The following LYRM4 variants were observed in gnomAD, a reference collection of about 807,000 sequenced individuals.
The protein encoded by LYRM4 is LYR motif-containing protein 4.
In LYRM4, 9 loss-of-function variants were observed where a neutral mutation model predicts 11.7. That is an observed-to-expected ratio of 0.77 (90% CI 0.46 to 1.34). The LOEUF (loss-of-function observed/expected upper bound fraction) is 1.34, where lower values mean the gene tolerates loss of function less well. Among genes scored for constraint, LYRM4 ranks in the 40% most tolerant of loss-of-function variants. The pLI is 0.00. For missense variants in LYRM4, 133 were observed against 112.5 expected (o/e 1.18, Z -0.82); for synonymous variants, 42 against 40.4 (o/e 1.04, Z -0.15).
rs1316977544 is a variant in LYRM4, at chr6:5,213,715, T to C, written c.207+2903A>G. Among the ~76,000 whole-genome samples, 31 of 152,138 alleles carry C rather than the reference T, an allele frequency of 2.0e-4. 1 individual carries two copies. Among genetic ancestry groups the C allele is most frequent in the Admixed American group, 2.0e-3 (31 of 15,278 alleles). On this transcript the variant is annotated intron_variant, in intron 2 of 2. Transcript: ENST00000330636. ...GGCCAAAAAGACACCCTGATTTTGG[T>C]GGTATAGACCCTGCCACTGAGATGT...
chr6:5,122,181 G>A (rs1048689142), intron 2 of LYRM4, among the ~76,000 whole-genome samples: 1 of 152,118 alleles, frequency 6.6e-6, no homozygotes, highest in Non-Finnish European at 1.5e-5. Context: ...AAAGATGGAC[G>A]GCCTCCCTGG....
intron 1 of LYRM4, among the ~76,000 whole-genome samples, chr6:5,257,898 G>A (rs1764757572): frequency 6.6e-6 from 1 of 152,222 alleles, no homozygotes; most frequent in Non-Finnish European, 1.5e-5. Context: ...AAGCACTGAG[G>A]TAAAAGAATG....
chr6:5,057,663 C>T, the LYRM4 span, among the ~76,000 whole-genome samples: 6 of 150,890 alleles, frequency 4.0e-5, no homozygotes, highest in Non-Finnish European at 7.4e-5. Flanking sequence ...TGTAGTGACC[C>T]GAGATCGCAC....
the LYRM4 span, chr6:5,043,180 C>A: frequency 6.6e-6 from 1 of 152,190 alleles, no homozygotes; most frequent in African/African-American, 2.4e-5. Flanking sequence ...TACCCTCCAA[C>A]AAGATAACTG....
chr6:5,043,723 C>T, the LYRM4 span, among the ~76,000 whole-genome samples: 1 of 152,154 alleles, frequency 6.6e-6, no homozygotes, highest in Non-Finnish European at 1.5e-5. Context: ...CAGGGGCGCA[C>T]TTTTCAAATA....
chr6:5,034,923 G>A, the LYRM4 span, among the ~76,000 whole-genome samples: 1 of 151,596 alleles, frequency 6.6e-6, no homozygotes, highest in Non-Finnish European at 1.5e-5. Context: ...GGGCAGGCGA[G>A]GCGAGTTTTG....
intron 2 of LYRM4, among the ~76,000 whole-genome samples, chr6:5,180,544 G>A (rs1417232903): frequency 6.6e-6 from 1 of 152,100 alleles, no homozygotes; most frequent in Non-Finnish European, 1.5e-5. Context: ...ACATATTTGA[G>A]CCCTAGACTT....
chr6:5,058,590 T>C, the LYRM4 span, among the ~76,000 whole-genome samples: 3 of 152,116 alleles, frequency 2.0e-5, no homozygotes, highest in Admixed American at 6.5e-5. Flanking sequence ...GCTTCAGGCA[T>C]CCCTCGGGGG....
At chr6:5,232,313 C>T (rs879648712) in intron 1 of LYRM4, among the ~76,000 whole-genome samples, 1 of 152,218 alleles carries the variant, frequency 6.6e-6, no homozygotes, top group Non-Finnish European at 1.5e-5. Flanking sequence ...AGGAAAACTG[C>T]CTGCTTGACT....
intron 2 of LYRM4, among the ~76,000 whole-genome samples, chr6:5,214,393 T>C (rs4959335): frequency 1 from 152,233 of 152,272 alleles, 76,097 homozygotes; most frequent in Middle Eastern, 1. Flanking sequence ...AAATAGGGAG[T>C]GTGAGGGAGA....
chr6:5,173,243 CAT>C (rs1337844231), intron 2 of LYRM4, among the ~76,000 whole-genome samples: 4 of 152,202 alleles, frequency 2.6e-5, no homozygotes, highest in Non-Finnish European at 4.4e-5. Flanking sequence ...TGTGCCATTA[CAT>C]GTTTGTTAAT....
intron 1 of LYRM4, among the ~76,000 whole-genome samples, chr6:5,246,108 T>C (rs946365855): frequency 6.6e-6 from 1 of 152,190 alleles, no homozygotes; most frequent in African/African-American, 2.4e-5. Flanking sequence ...GACCTATAAG[T>C]TGAATTTTGA....
chr6:5,242,860 G>A lies in LYRM4; in HGVS notation c.86+17788C>T, dbSNP rs549932884. Reference sequence around the variant, plus strand: ...GCAATCTCGGCTCACTGCAAGCTCCGCTTCCCAGGTTCACGCCATTCTCCT... The same window carrying A: ...GCAATCTCGGCTCACTGCAAGCTCCACTTCCCAGGTTCACGCCATTCTCCT... On this transcript the variant is annotated intron_variant, in intron 1 of 2. Transcript: ENST00000330636. 1.2e-3 allele frequency among the ~76,000 whole-genome samples: 180 copies of A among 145,930 alleles called. 2 individuals carry two copies. The highest frequency in any genetic ancestry group is 6.4e-4 in the Non-Finnish European group (43 of 67,090).
At chr6:5,193,607 G>A (rs1760888391) in intron 2 of LYRM4, among the ~76,000 whole-genome samples, 1 of 152,106 alleles carries the variant, frequency 6.6e-6, no homozygotes, top group Admixed American at 6.5e-5. Flanking sequence ...TAGTTAATCA[G>A]AAGTGCTAAA....
chr6:5,140,488 GT>G (rs1757345521), intron 2 of LYRM4, among the ~76,000 whole-genome samples: 1 of 152,158 alleles, frequency 6.6e-6, no homozygotes, highest in South Asian at 2.1e-4. Flanking sequence ...AGGCTGTGGC[GT>G]TGAAGGACAC....
At chr6:5,153,260 T>C (rs536768031) in intron 2 of LYRM4, among the ~76,000 whole-genome samples, 5 of 152,194 alleles carry the variant, frequency 3.3e-5, no homozygotes, top group Non-Finnish European at 7.4e-5. Flanking sequence ...CCTGGCTAAT[T>C]TTTATATTTT....
chr6:5,246,072 C>CA (rs1764183415), intron 1 of LYRM4, among the ~76,000 whole-genome samples: 1 of 152,070 alleles, frequency 6.6e-6, no homozygotes, highest in Non-Finnish European at 1.5e-5. Flanking sequence ...TGGTGTTGGG[C>CA]AGTTTCAGAG....
chr6:5,058,852 TA>T, the LYRM4 span, among the ~76,000 whole-genome samples: 1 of 152,202 alleles, frequency 6.6e-6, no homozygotes, highest in Admixed American at 6.5e-5. Context: ...TCCTTTAAGG[TA>T]AAAATGTCTT....
intron 2 of LYRM4, among the ~76,000 whole-genome samples, chr6:5,183,022 G>A (rs1005508021): frequency 6.6e-6 from 1 of 152,128 alleles, no homozygotes; most frequent in Non-Finnish European, 1.5e-5. Flanking sequence ...GAAAGTACCT[G>A]GCACATTTAT....
Sources: allele counts gnomAD v4.1 joint callset (sites outside exome capture counted in the v4.1 genomes callset), GRCh38; gene constraint gnomAD v4.1.1; transcripts MANE v1.5; gene names NCBI Gene and HGNC (gene_info 2026-07-23, HGNC 2026-07-21).